The following PHLDB1 variants were observed in gnomAD, a reference collection of about 807,000 sequenced individuals.
The protein encoded by PHLDB1 is pleckstrin homology like domain family B member 1.
PHLDB1 carries 65 observed loss-of-function variants against 139.3 expected under a neutral mutation model. The observed-to-expected ratio is 0.47, with a 90% CI of 0.38 to 0.57. PHLDB1 has a LOEUF of 0.57. Ranked by LOEUF, PHLDB1 falls within the 20% of genes least tolerant of loss-of-function variation. PHLDB1 has a pLI of 0.00. For missense variants in PHLDB1, 1,624 were observed against 1,839.7 expected (o/e 0.88, Z 2.14); for synonymous variants, 679 against 734.5 (o/e 0.92, Z 1.22).
At chr11:118,643,299 T>TG (rs1354524046) in intron 13 of PHLDB1, among the ~76,000 whole-genome samples, 3 of 152,214 alleles carry the variant, frequency 2.0e-5, no homozygotes, top group Non-Finnish European at 4.4e-5. Context: ...GCAGAGCTTA[T>TG]GCCACGTCAG....
chr11:118,607,954 C>A (rs1939436253), intron 1 of PHLDB1, among the ~76,000 whole-genome samples: 1 of 152,070 alleles, frequency 6.6e-6, no homozygotes, highest in Non-Finnish European at 1.5e-5. Context: ...CAGAGGGGGC[C>A]GTGACGCTCT....
In PHLDB1 at chr11:118,655,612, T is replaced by A; in HGVS notation, c.3882T>A (p.His1294Gln). Residue 1294 changes from histidine (H) to glutamine (Q), a missense_variant, in exon 21 of 23, where the codon CAT becomes CAA. His to Gln is a conservative substitution (Grantham distance 24, BLOSUM62 0). Coordinates refer to ENST00000600882, the MANE Select transcript of PHLDB1 (RefSeq NM_001144758.3). Reference protein sequence around the residue: ...KRTLSYYVDKHETKLKGVIYF... With the variant: ...KRTLSYYVDKQETKLKGVIYF... ...CCCTTACTTGCTTTGCAGACAAGCA[T>A]GAGACGAAGCTGAAGGGAGTCATCT... 1.9e-6 allele frequency: 3 copies of A among 1,610,890 alleles called. No homozygotes were observed. Among genetic ancestry groups the A allele is most frequent in the Non-Finnish European group, 2.5e-6 (3 of 1,177,254 alleles).
chr11:118,631,274 A>C lies in PHLDB1; in HGVS notation c.1895A>C (p.Glu632Ala). Residue 632 changes from glutamate to alanine, a missense_variant, in exon 7 of 23, where the codon GAG (glutamate) becomes GCG (alanine). By Grantham distance (107) the Glu-to-Ala change is moderately radical (BLOSUM62 -1). Coordinates refer to ENST00000600882, the MANE Select transcript of PHLDB1 (RefSeq NM_001144758.3). Reference protein sequence around the residue: ...AEYSRADGGPEAGELPSIGEA... With the variant: ...AEYSRADGGPAAGELPSIGEA... ...TACAGCCGGGCTGATGGGGGACCTG[A>C]GGCTGGGGAGCTTCCCAGCATTGGG... 2 of 1,512,084 alleles carry C rather than the reference A, an allele frequency of 1.3e-6. No individual in the cohort carries two copies. Among genetic ancestry groups the C allele is most frequent in the South Asian group, 2.6e-5 (2 of 76,132 alleles). 93.7% of individuals were successfully genotyped at this position (1,512,084 alleles called of 1,614,324 possible). A position where few individuals can be genotyped will look rare whatever the true frequency, so the allele number is the denominator to read the frequency against.
intron 6 of PHLDB1, among the ~76,000 whole-genome samples, chr11:118,629,495 C>G (rs1473860881): frequency 6.6e-6 from 1 of 152,174 alleles, no homozygotes. Context: ...GCCCTCTGTC[C>G]CTTACGAGCA....
intron 5 of PHLDB1, 96 bp downstream of exon 5, chr11:118,625,155 G>C: frequency 7.1e-7 from 1 of 1,408,336 alleles, no homozygotes; most frequent in Non-Finnish European, 9.5e-7. Context: ...GTTAGGGCAA[G>C]ACAATACCTA....
Position 118,650,360 on chromosome 11 carries a change from C to G in PHLDB1, c.3772-85C>G, listed in dbSNP as rs889929796. 9.5e-6 allele frequency: 10 copies of G among 1,054,062 alleles called. No homozygotes were observed. Among genetic ancestry groups the G allele is most frequent in the Non-Finnish European group, 1.5e-5 (10 of 669,980 alleles). The allele number at this position is 1,054,062 out of a possible 1,614,324, so 65.3% of individuals were successfully genotyped here. Reference sequence around the variant, plus strand: ...TGAGGAGATGTTGGGGACAATCCCCCATGAATACAGGCACAGGCGATGGCA... The same window carrying G: ...TGAGGAGATGTTGGGGACAATCCCCGATGAATACAGGCACAGGCGATGGCA... On this transcript the variant is annotated intron_variant, in intron 19 of 22. Coordinates refer to ENST00000600882, the MANE Select transcript of PHLDB1 (RefSeq NM_001144758.3). The surrounding 1 kb of genome is among the most constrained non-coding windows in gnomAD (Gnocchi z 4.7).
At position 118,608,640 on chromosome 11, in the gene PHLDB1, C is replaced by T. The variant is rs1939560033; in HGVS notation, c.-22+941C>T. ...CTGACTCATCGGGCGGCGGGCTCAC[C>T]CCCCAGCCGTCAAACGCAAACGCAG... On this transcript the variant is annotated intron_variant, in intron 1 of 22. Transcript: ENST00000600882. The surrounding 1 kb of genome is among the most constrained non-coding windows in gnomAD (Gnocchi z 6.7). Among the ~76,000 whole-genome samples, 6 of 152,278 alleles carry T rather than the reference C, an allele frequency of 3.9e-5. No homozygotes were observed. In the South Asian group the frequency reaches 1.2e-3, roughly 32 times the overall value.
At chr11:118,607,439 G>A (rs1226144626), upstream of PHLDB1, among the ~76,000 whole-genome samples, 1 of 148,618 alleles carries the variant, frequency 6.7e-6, no homozygotes, top group African/African-American at 2.5e-5. Flanking sequence ...GTGCAGGCTG[G>A]GGGAGGTGCT....
At position 118,631,316 on chromosome 11, in the gene PHLDB1, T is replaced by G; in HGVS notation, c.1937T>G (p.Leu646Trp). ...AGCATTGGGGAGGCCACCGCAGCAT[T>G]GGCACTGGCAGGCCGGAGGCCCTCA... ...LPSIGEATAALALAGRRPSRG... is the reference protein window; with the variant it reads ...LPSIGEATAAWALAGRRPSRG... The change falls in exon 7 of 23, where the codon TTG (leucine) becomes TGG (tryptophan). Residue 646 changes from leucine to tryptophan, a missense_variant. Physicochemically the swap from Leu to Trp is moderately conservative, Grantham distance 61 (BLOSUM62 -2). Transcript: ENST00000600882. 6.5e-7 allele frequency: 1 copy of G among 1,546,348 alleles called. No individual in the cohort carries two copies. Among genetic ancestry groups the G allele is most frequent in the Non-Finnish European group, 8.7e-7 (1 of 1,149,568 alleles).
intron 12 of PHLDB1, chr11:118,639,475 C>T: frequency 1.8e-6 from 1 of 557,136 alleles, no homozygotes; most frequent in Non-Finnish European, 3.2e-6. Context: ...CTACAGATTT[C>T]ACTGTTTTTG....
At chr11:118,634,891 C>T (rs1555113942) in intron 9 of PHLDB1, 2 of 425,798 alleles carry the variant, frequency 4.7e-6, no homozygotes, top group East Asian at 7.2e-5. Context: ...TCCCCTGTGC[C>T]CCGCCCTCTC....
rs782691696 is a variant in PHLDB1, at chr11:118,644,226, G to T, written c.3121+52G>T. 10 of 1,269,542 alleles carry T rather than the reference G, an allele frequency of 7.9e-6. No individual in the cohort carries two copies. In the Admixed American group the frequency reaches 1.8e-4, roughly 23 times the overall value. 78.6% of individuals were successfully genotyped at this position (1,269,542 alleles called of 1,614,324 possible). On this transcript the variant is annotated intron_variant, in intron 15 of 22. Transcript: ENST00000600882. ...TGCTCTCCTGAGGGGACCCTGGGTA[G>T]TTGCCATGCCTCCTCTATGCTCACA...
rs782310202 is a variant in PHLDB1, at chr11:118,639,236, A to G, written c.2721A>G (p.Thr907=). ...LTGGRPFPKT[T]STLKEMEKLL... ...GGGGCAGGCCTTTCCCGAAGACCAC[A>G]TCGACCCTCAAAGAGGTATCATGAT... Residue 907 remains threonine, a synonymous_variant, in exon 12 of 23, where the codon ACA becomes ACG. Transcript: ENST00000600882. The G allele has an allele frequency of 4.3e-6, 7 of 1,613,464 alleles. No homozygotes were observed. In the South Asian group the frequency reaches 5.5e-5, roughly 13 times the overall value.
rs782261137 is a variant in PHLDB1, at chr11:118,645,490, C to T, written c.3256C>T (p.Leu1086Phe). Residue 1086 changes from leucine (L) to phenylalanine (F), a missense_variant, in exon 16 of 23, where the codon CTC (leucine) becomes TTC (phenylalanine). Physicochemically the swap from Leu to Phe is conservative, Grantham distance 22 (BLOSUM62 0). Coordinates refer to ENST00000600882, the MANE Select transcript of PHLDB1 (RefSeq NM_001144758.3). The surrounding 1 kb of genome is among the most constrained non-coding windows in gnomAD (Gnocchi z 5.1). ...FPAGPSGFPPLMHHSILHHLP... is the reference protein window; with the variant it reads ...FPAGPSGFPPFMHHSILHHLP... ...AGCGGGCCCCTCGGGCTTCCCCCCTCTCATGCACCACTCTATCCTACACCA... is the reference window on the plus strand; with the variant it reads ...AGCGGGCCCCTCGGGCTTCCCCCCTTTCATGCACCACTCTATCCTACACCA... The T allele has an allele frequency of 1.9e-6, 3 of 1,612,360 alleles. No homozygotes were observed. Among genetic ancestry groups the T allele is most frequent in the South Asian group, 2.2e-5 (2 of 90,776 alleles).
chr11:118,608,643 C>G lies in PHLDB1; in HGVS notation c.-22+944C>G, dbSNP rs1379574841. ...ACTCATCGGGCGGCGGGCTCACCCCCCAGCCGTCAAACGCAAACGCAGGCG... is the reference window on the plus strand; with the variant it reads ...ACTCATCGGGCGGCGGGCTCACCCCGCAGCCGTCAAACGCAAACGCAGGCG... On this transcript the variant is annotated intron_variant, in intron 1 of 22. Transcript: ENST00000600882. This position sits in a 1 kb window ranked among gnomAD's most constrained non-coding sequence, Gnocchi z 6.7. Among the ~76,000 whole-genome samples, 3 of 152,278 alleles carry G rather than the reference C, an allele frequency of 2.0e-5. No individual in the cohort carries two copies. Among genetic ancestry groups the G allele is most frequent in the Admixed American group, 6.5e-5 (1 of 15,308 alleles).
rs2135659552 is a variant in PHLDB1, at chr11:118,611,212, G to C, written c.-21-2604G>C. On this transcript the variant is annotated intron_variant, in intron 1 of 22. Coordinates refer to ENST00000600882, the MANE Select transcript of PHLDB1 (RefSeq NM_001144758.3). The surrounding 1 kb of genome is among the most constrained non-coding windows in gnomAD (Gnocchi z 4.7). ...TGGGAAAGCACCGCCTGAGTGCAGG[G>C]CAGGTTGGCCTGGTGTCTCTTTCCA... Among the ~76,000 whole-genome samples the C allele has an allele frequency of 6.6e-6, 1 of 152,336 alleles. No homozygotes were observed. The highest frequency in any genetic ancestry group is 2.4e-5 in the African/African-American group (1 of 41,590).
chr11:118,653,816 G>C (rs1948661767), intron 20 of PHLDB1: 1 of 152,222 alleles, frequency 6.6e-6, no homozygotes, highest in African/African-American at 2.4e-5. Context: ...TCTATACAGA[G>C]GAGCATCTGT....
intron 15 of PHLDB1, 85 bp downstream of exon 15, chr11:118,644,259 C>A: frequency 1.1e-6 from 1 of 926,498 alleles, no homozygotes; most frequent in Non-Finnish European, 1.7e-6. Context: ...ACACCTTTCA[C>A]AGGATGTTTT....
At chr11:118,638,301 G>A (rs1945976391) in intron 10 of PHLDB1, among the ~76,000 whole-genome samples, 1 of 152,156 alleles carries the variant, frequency 6.6e-6, no homozygotes, top group Non-Finnish European at 1.5e-5. Context: ...GTGTAATGAG[G>A]AGCCACTGAA....
Sources: gnomAD v4.1 joint callset for allele counts (sites outside exome capture counted in the v4.1 genomes callset) on GRCh38, gnomAD v4.1.1 for gene constraint, Gnocchi (gnomAD v3.1) non-coding constraint, MANE v1.5 for transcripts, NCBI Gene and HGNC (gene_info 2026-07-23, HGNC 2026-07-21) for gene names.